TCF4: variants seen among roughly 807,000 people sequenced by gnomAD.
TCF4 encodes SL3-3 enhancer factor 2.
TCF4 carries 3 observed loss-of-function variants against 82.1 expected under a neutral mutation model. That is an observed-to-expected ratio of 0.04 (90% CI 0.02 to 0.09). The LOEUF (loss-of-function observed/expected upper bound fraction) is 0.09. Ranked by LOEUF, TCF4 falls within the 10% of genes least tolerant of loss-of-function variation. The pLI, the probability that TCF4 is intolerant of heterozygous loss-of-function variation, is 1.00. For missense variants in TCF4, 518 were observed against 852.7 expected (o/e 0.61, Z 4.89); for synonymous variants, 276 against 309.6 (o/e 0.89, Z 1.14).
chr18:55,499,096 A>G (rs1240666122), intron 3 of TCF4, among the ~76,000 whole-genome samples: 1 of 152,210 alleles, frequency 6.6e-6, no homozygotes, highest in East Asian at 1.9e-4. Flanking sequence ...AGCCAATGTA[A>G]TGAAAGGCAC....
intron 3 of TCF4, among the ~76,000 whole-genome samples, chr18:55,521,645 G>A (rs2096934417): frequency 6.6e-6 from 1 of 152,174 alleles, no homozygotes; most frequent in African/African-American, 2.4e-5. Context: ...ATCCACCATT[G>A]CTCTAAAAAG....
At chr18:55,384,973 C>G (rs998345723) in intron 6 of TCF4, among the ~76,000 whole-genome samples, 1 of 152,116 alleles carries the variant, frequency 6.6e-6, no homozygotes, top group African/African-American at 2.4e-5. Context: ...TACCCGAGCC[C>G]GACAGATTTT....
intron 3 of TCF4, among the ~76,000 whole-genome samples, chr18:55,471,380 T>C (rs2096175218): frequency 6.6e-6 from 1 of 151,938 alleles, no homozygotes; most frequent in Non-Finnish European, 1.5e-5. Context: ...AGGATGAGGG[T>C]TGTGTCAATG....
At chr18:55,313,387 T>C (rs2073148748) in intron 8 of TCF4, among the ~76,000 whole-genome samples, 1 of 152,098 alleles carries the variant, frequency 6.6e-6, no homozygotes, top group Non-Finnish European at 1.5e-5. Flanking sequence ...ATGAGAATAG[T>C]GTTAACTAGT....
At chr18:55,460,281 AAG>A (rs962980637) in intron 5 of TCF4, among the ~76,000 whole-genome samples, 7 of 152,096 alleles carry the variant, frequency 4.6e-5, no homozygotes, top group African/African-American at 1.4e-4. Context: ...ATCAAAACTA[AAG>A]TAGCCAGCTA....
chr18:55,366,393 G>A (rs909079798), intron 6 of TCF4, among the ~76,000 whole-genome samples: 11 of 152,038 alleles, frequency 7.2e-5, no homozygotes, highest in African/African-American at 1.7e-4. Flanking sequence ...TATACATTGC[G>A]GCTGTTTCAG....
At chr18:55,562,112 T>G (rs900308641) in intron 3 of TCF4, among the ~76,000 whole-genome samples, 2 of 152,222 alleles carry the variant, frequency 1.3e-5, no homozygotes, top group Non-Finnish European at 2.9e-5. Context: ...CATTGGTTTC[T>G]TTGCTGTCTA....
At chr18:55,359,757 A>T (rs2084609620) in intron 6 of TCF4, among the ~76,000 whole-genome samples, 1 of 152,202 alleles carries the variant, frequency 6.6e-6, no homozygotes, top group Non-Finnish European at 1.5e-5. Context: ...CTTAATATGC[A>T]AAAGGCTCAA....
intron 7 of TCF4, 115 bp downstream of exon 7, chr18:55,350,759 T>C: frequency 6.7e-7 from 1 of 1,490,290 alleles, no homozygotes; most frequent in Non-Finnish European, 9.2e-7. Flanking sequence ...TGAGCCAAAT[T>C]TTATGGTTTT....
intron 8 of TCF4, among the ~76,000 whole-genome samples, chr18:55,336,626 A>C (rs1210980306): frequency 6.6e-6 from 1 of 152,138 alleles, no homozygotes; most frequent in African/African-American, 2.4e-5. Flanking sequence ...GGGTTAACAG[A>C]CATATGCTGT....
chr18:55,349,885 C>A (rs1012260803), intron 8 of TCF4, among the ~76,000 whole-genome samples: 15 of 152,194 alleles, frequency 9.9e-5, no homozygotes, highest in African/African-American at 3.6e-4. Flanking sequence ...GATGCAGCTA[C>A]CTTTGCAGCC....
chr18:55,620,342 C>G (rs947245379), intron 2 of TCF4, among the ~76,000 whole-genome samples: 1 of 152,170 alleles, frequency 6.6e-6, no homozygotes, highest in Admixed American at 6.5e-5. Flanking sequence ...ATATTTCCGA[C>G]TAACAATGCA....
chr18:55,481,279 C>A (rs901446864), intron 3 of TCF4, among the ~76,000 whole-genome samples: 8 of 152,044 alleles, frequency 5.3e-5, no homozygotes, highest in African/African-American at 1.7e-4. Flanking sequence ...GTATTTACAC[C>A]ATGGAAATTG....
intron 10 of TCF4, among the ~76,000 whole-genome samples, chr18:55,275,058 A>T (rs533871646): frequency 6.6e-6 from 1 of 152,082 alleles, no homozygotes; most frequent in African/African-American, 2.4e-5. Flanking sequence ...TTAAAGTTAA[A>T]ATACTGAAAA....
intron 3 of TCF4, among the ~76,000 whole-genome samples, chr18:55,548,583 C>G (rs1002107140): frequency 1.3e-5 from 2 of 152,112 alleles, no homozygotes; most frequent in Admixed American, 6.6e-5. Context: ...TGGATACATT[C>G]TGAGAAATAC....
upstream of TCF4, among the ~76,000 whole-genome samples, chr18:55,593,417 T>A (rs1180583311): frequency 6.6e-6 from 1 of 152,194 alleles, no homozygotes; most frequent in Non-Finnish European, 1.5e-5. Flanking sequence ...AGATAATGCT[T>A]CTTTCACAGT....
At chr18:55,621,699 A>G (rs866834454) in intron 2 of TCF4, among the ~76,000 whole-genome samples, 2,937 of 85,844 alleles carry the variant, frequency 0.034, 180 homozygotes, top group African/African-American at 0.094. Flanking sequence ...ATTATATAAT[A>G]TATATTATAT....
chr18:55,282,116 T>C (rs1275815193), intron 8 of TCF4, among the ~76,000 whole-genome samples: 1 of 152,044 alleles, frequency 6.6e-6, no homozygotes, highest in African/African-American at 2.4e-5. Flanking sequence ...ATCTTCCATT[T>C]AGATACTTTA....
rs868425429 is a variant in TCF4, at chr18:55,427,011, T to C, written c.305-23493A>G. 2.0e-5 allele frequency among the ~76,000 whole-genome samples: 3 copies of C among 152,194 alleles called. No individual in the cohort carries two copies. In the East Asian group the frequency reaches 5.8e-4, roughly 29 times the overall value. ...TAGCTCCTGAATTATTTTTTGGTCA[T>C]AGATGAAATAAAACACTATTTTGCA... On this transcript the variant is annotated intron_variant, in intron 5 of 19. Coordinates refer to ENST00000354452, the MANE Select transcript of TCF4 (RefSeq NM_001083962.2).
Sources: gnomAD v4.1 joint callset for allele counts (sites outside exome capture counted in the v4.1 genomes callset) on GRCh38, gnomAD v4.1.1 for gene constraint, MANE v1.5 for transcripts, NCBI Gene and HGNC (gene_info 2026-07-23, HGNC 2026-07-21) for gene names.